Variants in NFATC2 observed in about 807,000 individuals in gnomAD.
NFATC2 encodes the protein nuclear factor of activated T-cells, cytoplasmic 2.
A neutral mutation model predicts 87.3 loss-of-function variants in NFATC2; 22 were observed. That is an observed-to-expected ratio of 0.25 (90% CI 0.18 to 0.36). The LOEUF (loss-of-function observed/expected upper bound fraction) is 0.36. Among genes scored for constraint, NFATC2 ranks in the 10% least tolerant of loss-of-function variants. The probability of loss-of-function intolerance (pLI) is 1.00; values close to 1 mark genes in which losing one functional copy is unlikely to be tolerated. For synonymous variants in NFATC2, 565 were observed against 542.2 expected (o/e 1.04, Z -0.58); for missense variants, 1,149 against 1,259.1 (o/e 0.91, Z 1.32).
intron 3 of NFATC2, among the ~76,000 whole-genome samples, chr20:51,490,718 A>G (rs73910883): frequency 0.015 from 2,246 of 152,336 alleles, 59 homozygotes; most frequent in African/African-American, 0.051. Flanking sequence ...TACTTGGGAG[A>G]GTGAGACAGG....
At chr20:51,400,913 C>T (rs1388173756) in intron 9 of NFATC2, among the ~76,000 whole-genome samples, 15 of 152,148 alleles carry the variant, frequency 9.9e-5, no homozygotes, top group Admixed American at 9.8e-4. Context: ...TAGGGTTTCC[C>T]CAATTTGAAA....
intron 3 of NFATC2, among the ~76,000 whole-genome samples, chr20:51,484,987 G>T (rs780996498): frequency 2.0e-5 from 3 of 152,172 alleles, no homozygotes; most frequent in Non-Finnish European, 4.4e-5. Context: ...AAACAAGTCA[G>T]GCTCTCTCAG....
At chr20:51,543,650 C>T (rs2076860430), upstream of NFATC2, among the ~76,000 whole-genome samples, 1 of 152,172 alleles carries the variant, frequency 6.6e-6, no homozygotes, top group South Asian at 2.1e-4. Flanking sequence ...AGCATGATTC[C>T]CAGGCCCCTC....
chr20:51,400,978 GTTGGAACATAAGCAC>G (rs1183144325), intron 9 of NFATC2, among the ~76,000 whole-genome samples: 1 of 151,956 alleles, frequency 6.6e-6, no homozygotes, highest in Non-Finnish European at 1.5e-5. Context: ...ATCAGAAGCT[GTTGGAACATAAGCAC>G]TTCAACAGTG....
intron 9 of NFATC2, among the ~76,000 whole-genome samples, chr20:51,419,046 A>G (rs1310718159): frequency 2.6e-5 from 4 of 151,974 alleles, no homozygotes; most frequent in Non-Finnish European, 5.9e-5. Context: ...ACTAAGAAGT[A>G]CGCTCCCTGA....
At chr20:51,540,697 T>A (rs1159757157) in intron 1 of NFATC2, among the ~76,000 whole-genome samples, 1 of 137,572 alleles carries the variant, frequency 7.3e-6, no homozygotes, top group African/African-American at 3.0e-5. Context: ...AGGGCTTTCA[T>A]TGTGGTCATT....
chr20:51,496,778 T>TG (rs1024981034), intron 3 of NFATC2, among the ~76,000 whole-genome samples: 16 of 152,332 alleles, frequency 1.1e-4, no homozygotes, highest in African/African-American at 3.8e-4. Flanking sequence ...TGCTATTCTT[T>TG]GTTCAACCAA....
chr20:51,455,310 C>A (rs1986283264), intron 5 of NFATC2, among the ~76,000 whole-genome samples: 1 of 152,116 alleles, frequency 6.6e-6, no homozygotes, highest in African/African-American at 2.4e-5. Flanking sequence ...CAGATATACT[C>A]AGCATACTCC....
rs534432344 is a variant in NFATC2, at chr20:51,523,220, G to A, written c.1021C>T (p.Leu341=). 3.7e-6 allele frequency: 6 copies of A among 1,613,876 alleles called. No homozygotes were observed. In the Admixed American group the frequency reaches 8.3e-5, roughly 22 times the overall value. The change falls in exon 2 of 11, where the codon CTG becomes TTG. Residue 341 remains leucine, a synonymous_variant. Coordinates refer to ENST00000371564, the MANE Select transcript of NFATC2 (RefSeq NM_012340.5). The surrounding 1 kb of genome is among the most constrained non-coding windows in gnomAD (Gnocchi z 6.9). The part of the protein sequence containing the change: ...PVSAAPSKAG[L]PRHIYPAVEF... Reference sequence around the variant, plus strand: ...ACGGCCGGGTAGATGTGGCGAGGCAGGCCGGCCTTGGATGGGGCGGCAGAC... The same window carrying A: ...ACGGCCGGGTAGATGTGGCGAGGCAAGCCGGCCTTGGATGGGGCGGCAGAC...
chr20:51,421,094 A>C (rs534526243), intron 9 of NFATC2, among the ~76,000 whole-genome samples: 5 of 152,124 alleles, frequency 3.3e-5, no homozygotes, highest in Admixed American at 2.0e-4. Flanking sequence ...AAAAACAAAA[A>C]AAACTAATAA....
In NFATC2 at chr20:51,432,488, C is replaced by T; in HGVS notation, c.2301G>A (p.Gln767=). 11 of 1,554,312 alleles carry T rather than the reference C, an allele frequency of 7.1e-6. No homozygotes were observed. The highest frequency in any genetic ancestry group is 9.6e-6 in the Non-Finnish European group (11 of 1,150,308). Residue 767 remains glutamine (Q), a synonymous_variant, in exon 9 of 11, where the codon CAG becomes CAA. Coordinates refer to ENST00000371564, the MANE Select transcript of NFATC2 (RefSeq NM_012340.5). The surrounding 1 kb of genome is among the most constrained non-coding windows in gnomAD (Gnocchi z 4.6). ...SLSPSLLGYQ[Q]PALMAAPLSL... ...ACAGCGGGGCGGCCATGAGGGCCGG[C>T]TGCTGATAGCCCAGCAGGCTGGGGC...
At chr20:51,555,525 A>G (rs566201802) in intron 1 of NFATC2, among the ~76,000 whole-genome samples, 76 of 152,172 alleles carry the variant, frequency 5.0e-4, no homozygotes, top group Admixed American at 1.4e-3. Flanking sequence ...TCCGGGAGGC[A>G]GAGCTTACAG....
intron 10 of NFATC2, among the ~76,000 whole-genome samples, chr20:51,394,178 A>C (rs1027784608): frequency 1.3e-4 from 20 of 152,044 alleles, no homozygotes; most frequent in Non-Finnish European, 1.5e-5. Flanking sequence ...CTGACTGCCA[A>C]CAAGGAGAAA....
intron 3 of NFATC2, among the ~76,000 whole-genome samples, chr20:51,515,525 A>T (rs6067804): frequency 6.6e-6 from 1 of 152,034 alleles, no homozygotes; most frequent in Non-Finnish European, 1.5e-5. Flanking sequence ...AGCACGAAAG[A>T]AAGTTCAGAA....
At chr20:51,436,967 G>T (rs1042621086) in intron 6 of NFATC2, among the ~76,000 whole-genome samples, 1 of 152,092 alleles carries the variant, frequency 6.6e-6, no homozygotes, top group Non-Finnish European at 1.5e-5. Flanking sequence ...AGAGCAGAAA[G>T]ACAGGGGCTC....
chr20:51,391,508 GA>G, intron 10 of NFATC2, 57 bp from the exon 11 acceptor site: 2 of 1,545,542 alleles, frequency 1.3e-6, no homozygotes, highest in Non-Finnish European at 8.9e-7. Context: ...AGAGGGCACC[GA>G]AAACATGCAT....
In NFATC2 at chr20:51,494,286, G is replaced by A. The variant is rs1359966396; in HGVS notation, c.1333-18626C>T. ...GCTAAGTCAGCTGCCTAAGGTGTCC[G>A]GCACAGGGCGGGTGCCACTGGAAAT... On this transcript the variant is annotated intron_variant, in intron 3 of 10. Transcript: ENST00000371564. Among the ~76,000 whole-genome samples the A allele has an allele frequency of 6.6e-5, 10 of 152,084 alleles. No homozygotes were observed. In the East Asian group the frequency reaches 9.6e-4, roughly 15 times the overall value.
At chr20:51,542,033 T>C (rs1347369865) in intron 1 of NFATC2, among the ~76,000 whole-genome samples, 1 of 152,196 alleles carries the variant, frequency 6.6e-6, no homozygotes, top group African/African-American at 2.4e-5. Context: ...TCCCTTGCCC[T>C]TTGACAGCCC....
chr20:51,503,238 C>T (rs1309641526), intron 3 of NFATC2, among the ~76,000 whole-genome samples: 4 of 152,194 alleles, frequency 2.6e-5, no homozygotes, highest in African/African-American at 9.7e-5. Context: ...CATGTGAATG[C>T]ATTTCCCCAA....
Sources: allele counts gnomAD v4.1 joint callset (sites outside exome capture counted in the v4.1 genomes callset), GRCh38; gene constraint gnomAD v4.1.1; non-coding constraint Gnocchi (gnomAD v3.1); transcripts MANE v1.5; gene names NCBI Gene and HGNC (gene_info 2026-07-23, HGNC 2026-07-21).